KCTD7: variants seen among roughly 807,000 people sequenced by gnomAD.
KCTD7 encodes the protein BTB/POZ domain-containing protein KCTD7.
Under a neutral mutation model 27.0 loss-of-function variants are expected in KCTD7, and 15 were observed. That is an observed-to-expected ratio of 0.56 (90% confidence interval 0.37 to 0.86). The LOEUF is 0.86. KCTD7 is among the 40% of genes least tolerant of loss of function. The probability of loss-of-function intolerance (pLI) is 0.00; values close to 1 mark genes in which losing one functional copy is unlikely to be tolerated. For missense variants in KCTD7, 299 were observed against 398.9 expected (o/e 0.75, Z 2.13); for synonymous variants, 159 against 162.7 (o/e 0.98, Z 0.17).
At chr7:66,643,066 C>G (rs935999491), downstream of KCTD7, 1 of 985,400 alleles carries the variant, frequency 1.0e-6, no homozygotes, top group Non-Finnish European at 1.2e-6. Flanking sequence ...CTGTGCCTTT[C>G]TTTTTTAGAG....
At position 66,642,043 on chromosome 7, in the gene KCTD7, A is replaced by C; in HGVS notation, c.*2811A>C. 2.5e-5 allele frequency: 25 copies of C among 985,428 alleles called. No homozygotes were observed. Among genetic ancestry groups the C allele is most frequent in the Non-Finnish European group, 3.0e-5 (25 of 829,922 alleles). 61.0% of individuals were successfully genotyped at this position (985,428 alleles called of 1,614,324 possible). A position where few individuals can be genotyped will look rare whatever the true frequency, so the allele number is the denominator to read the frequency against. On this transcript the variant is annotated 3_prime_UTR_variant, in exon 4 of 4. Coordinates refer to ENST00000639828, the MANE Select transcript of KCTD7 (RefSeq NM_153033.5). Reference sequence around the variant, plus strand: ...GATTCATCTTGCCTTGAGACGGGCCAGTAGTTATCAGTGAGTCAAAGCAAA... The same window carrying C: ...GATTCATCTTGCCTTGAGACGGGCCCGTAGTTATCAGTGAGTCAAAGCAAA...
chr7:66,638,102 GA>G, intron 2 of KCTD7, 150 bp from the exon 3 acceptor site: 2 of 793,256 alleles, frequency 2.5e-6, no homozygotes, highest in Non-Finnish European at 4.4e-6. Flanking sequence ...CAATTTTACA[GA>G]CAGGGAAACT....
chr7:66,638,532 C>A, intron 3 of KCTD7, 101 bp downstream of exon 3: 1 of 1,265,414 alleles, frequency 7.9e-7, no homozygotes. Context: ...CAGCATTCAT[C>A]CAGATTACTC....
chr7:66,637,611 G>A (rs1446336685), intron 2 of KCTD7, among the ~76,000 whole-genome samples: 1 of 152,012 alleles, frequency 6.6e-6, no homozygotes, highest in African/African-American at 2.4e-5. Flanking sequence ...TTATGTTAAA[G>A]GAAAGAAGCC....
Position 66,641,983 on chromosome 7 carries a change from A to G in KCTD7, c.*2751A>G, listed in dbSNP as rs891356953. Reference sequence around the variant, plus strand: ...CATCTTTATAGAATTGTTGTGCATAATGTCAGTAAATCCCTCTCACTTGAC... The same window carrying G: ...CATCTTTATAGAATTGTTGTGCATAGTGTCAGTAAATCCCTCTCACTTGAC... On this transcript the variant is annotated 3_prime_UTR_variant, in exon 4 of 4. Transcript: ENST00000639828. 7 of 985,296 alleles carry G rather than the reference A, an allele frequency of 7.1e-6. No individual in the cohort carries two copies. The highest frequency in any genetic ancestry group is 8.4e-6 in the Non-Finnish European group (7 of 829,940). 61.0% of individuals were successfully genotyped at this position (985,296 alleles called of 1,614,324 possible).
At chr7:66,633,185 G>A in intron 1 of KCTD7, 90 bp from the exon 2 acceptor site, 1 of 1,303,854 alleles carries the variant, frequency 7.7e-7, no homozygotes, top group Non-Finnish European at 1.1e-6. Context: ...GAATGGTGTG[G>A]CACCAATCAG....
rs1786719782 is a variant in KCTD7, at chr7:66,641,618, T to C, written c.*2386T>C. 2.0e-6 allele frequency: 2 copies of C among 985,402 alleles called. No individual in the cohort carries two copies. Among genetic ancestry groups the C allele is most frequent in the Non-Finnish European group, 2.4e-6 (2 of 829,922 alleles). 61.0% of individuals were successfully genotyped at this position (985,402 alleles called of 1,614,324 possible). On this transcript the variant is annotated 3_prime_UTR_variant, in exon 4 of 4. Transcript: ENST00000639828. ...TCCCTTTGTGATCCTCACAGTAATG[T>C]ATTCTGTGCCACTGTAGGACACAAG...
Position 66,629,186 on chromosome 7 carries a change from C to A in KCTD7, c.122C>A (p.Ala41Glu). ...CCGACGGCCACGCAGGCGGGGCACG[C>A]GCTGCCCCTGCTGCCACAGGAGGTA... The part of the protein sequence containing the change: ...ATPTATQAGH[A>E]LPLLPQEFPE... Residue 41 changes from alanine to glutamate, a missense_variant, in exon 1 of 4, where the codon GCG becomes GAG. Transcript: ENST00000639828. 2 of 1,497,526 alleles carry A rather than the reference C, an allele frequency of 1.3e-6. No individual in the cohort carries two copies. Among genetic ancestry groups the A allele is most frequent in the Non-Finnish European group, 1.8e-6 (2 of 1,121,508 alleles). The allele number at this position is 1,497,526 out of a possible 1,614,324, so 92.8% of individuals were successfully genotyped here.
intron 2 of KCTD7, among the ~76,000 whole-genome samples, chr7:66,635,520 A>G (rs1274284207): frequency 6.6e-6 from 1 of 151,336 alleles, no homozygotes; most frequent in Non-Finnish European, 1.5e-5. Context: ...TGTCCTTTTC[A>G]GAGTACGTGG....
At position 66,639,135 on chromosome 7, in the gene KCTD7, C is replaced by T; in HGVS notation, c.773C>T (p.Thr258Ile). ...LVTDLSAQGL[T>I]VDHQCIGVCD... The stretch of plus-strand genomic sequence containing the variant: ...ACGGACCTCTCGGCCCAGGGTCTCA[C>T]CGTGGACCACCAGTGCATCGGGGTG... Residue 258 changes from threonine (T) to isoleucine (I), a missense_variant, in exon 4 of 4, where the codon ACC becomes ATC. Thr to Ile is a moderately conservative substitution (Grantham distance 89). Coordinates refer to ENST00000639828, the MANE Select transcript of KCTD7 (RefSeq NM_153033.5). 1 of 1,614,166 alleles carries T rather than the reference C, an allele frequency of 6.2e-7. No individual in the cohort carries two copies. The highest frequency in any genetic ancestry group is 8.5e-7 in the Non-Finnish European group (1 of 1,180,040).
intron 2 of KCTD7, among the ~76,000 whole-genome samples, chr7:66,635,254 C>T (rs955788546): frequency 3.3e-5 from 5 of 152,084 alleles, no homozygotes; most frequent in Non-Finnish European, 5.9e-5. Flanking sequence ...TCAAGTGATC[C>T]TCCTGCCTCA....
At chr7:66,632,620 A>C (rs1786478435) in intron 1 of KCTD7, among the ~76,000 whole-genome samples, 1 of 152,178 alleles carries the variant, frequency 6.6e-6, no homozygotes, top group Non-Finnish European at 1.5e-5. Flanking sequence ...GAGACTGGTA[A>C]GAGCATTTTG....
At position 66,642,600 on chromosome 7, in the gene KCTD7, G is replaced by A. The variant is rs1042055931; in HGVS notation, c.*3368G>A. Reference sequence around the variant, plus strand: ...GTAATATTTCAAATATTGTCCTTCTGCATATGTTCTATCCATATTTGATTC... The same window carrying A: ...GTAATATTTCAAATATTGTCCTTCTACATATGTTCTATCCATATTTGATTC... On this transcript the variant is annotated 3_prime_UTR_variant, in exon 4 of 4. Transcript: ENST00000639828. The A allele has an allele frequency of 1.0e-6, 1 of 985,364 alleles. No individual in the cohort carries two copies. Among genetic ancestry groups the A allele is most frequent in the Middle Eastern group, 5.2e-4 (1 of 1,914 alleles). The allele number at this position is 985,364 out of a possible 1,614,324, so 61.0% of individuals were successfully genotyped here.
intron 2 of KCTD7, among the ~76,000 whole-genome samples, chr7:66,638,006 A>G (rs1418070353): frequency 6.6e-6 from 1 of 152,246 alleles, no homozygotes; most frequent in Non-Finnish European, 1.5e-5. Flanking sequence ...ACAACAACTA[A>G]TAACACTTAT....
chr7:66,639,824 G>C lies in KCTD7; in HGVS notation c.*592G>C. ...GACTTTTCTTTTCCTTCCGGAACATGTTCTTCACCACCTTTTGGAGATTTA... is the reference window on the plus strand; with the variant it reads ...GACTTTTCTTTTCCTTCCGGAACATCTTCTTCACCACCTTTTGGAGATTTA... On this transcript the variant is annotated 3_prime_UTR_variant, in exon 4 of 4. Coordinates refer to ENST00000639828, the MANE Select transcript of KCTD7 (RefSeq NM_153033.5). 2 of 1,247,998 alleles carry C rather than the reference G, an allele frequency of 1.6e-6. No homozygotes were observed. Among genetic ancestry groups the C allele is most frequent in the Non-Finnish European group, 2.0e-6 (2 of 997,056 alleles). 77.3% of individuals were successfully genotyped at this position (1,247,998 alleles called of 1,614,324 possible).
intron 2 of KCTD7, among the ~76,000 whole-genome samples, chr7:66,634,122 A>ATG (rs1554397970): frequency 4.8e-5 from 7 of 145,510 alleles, no homozygotes; most frequent in Admixed American, 4.1e-4. Context: ...ACATATATAT[A>ATG]TATATATATA....
At chr7:66,634,206 C>CTATCTATT (rs1786528067) in intron 2 of KCTD7, among the ~76,000 whole-genome samples, 1 of 147,998 alleles carries the variant, frequency 6.8e-6, no homozygotes, top group Non-Finnish European at 1.5e-5. Context: ...ATCTATCTAT[C>CTATCTATT]TATCTATCTA....
intron 2 of KCTD7, among the ~76,000 whole-genome samples, chr7:66,636,930 A>G (rs1209354804): frequency 6.6e-6 from 1 of 152,216 alleles, no homozygotes; most frequent in Admixed American, 6.5e-5. Flanking sequence ...GAATAATACT[A>G]GTGGCAAGGA....
chr7:66,642,590 T>C lies in KCTD7; in HGVS notation c.*3358T>C. On this transcript the variant is annotated 3_prime_UTR_variant, in exon 4 of 4. Coordinates refer to ENST00000639828, the MANE Select transcript of KCTD7 (RefSeq NM_153033.5). ...TTTGATCCTAGTAATATTTCAAATA[T>C]TGTCCTTCTGCATATGTTCTATCCA... is the stretch of plus-strand genomic sequence containing the variant. 1 of 985,438 alleles carries C rather than the reference T, an allele frequency of 1.0e-6. No homozygotes were observed. The highest frequency in any genetic ancestry group is 1.2e-6 in the Non-Finnish European group (1 of 829,926). The allele number at this position is 985,438 out of a possible 1,614,324, so 61.0% of individuals were successfully genotyped here.
Sources: allele counts gnomAD v4.1 joint callset (sites outside exome capture counted in the v4.1 genomes callset), GRCh38; gene constraint gnomAD v4.1.1; transcripts MANE v1.5; gene names NCBI Gene and HGNC (gene_info 2026-07-23, HGNC 2026-07-21).